The following DPY19L1 variants were observed in gnomAD, a reference collection of about 807,000 sequenced individuals.
DPY19L1 encodes protein C-mannosyl-transferase DPY19L1.
In DPY19L1, 35 loss-of-function variants were observed where a neutral mutation model predicts 96.9. That is an observed-to-expected ratio of 0.36 (90% CI 0.28 to 0.48). The LOEUF (loss-of-function observed/expected upper bound fraction) is 0.48, where lower values mean the gene tolerates loss of function less well. DPY19L1 is among the 20% of genes least tolerant of loss of function. DPY19L1 has a pLI of 0.99. For synonymous variants in DPY19L1, 205 were observed against 252.6 expected (o/e 0.81, Z 1.79); for missense variants, 521 against 777.9 (o/e 0.67, Z 3.93).
chr7:34,999,393 C>T (rs1785370474), intron 6 of DPY19L1, among the ~76,000 whole-genome samples: 1 of 152,204 alleles, frequency 6.6e-6, no homozygotes, highest in Admixed American at 6.5e-5. Flanking sequence ...AGGAAATGTT[C>T]AAACATGTCA....
chr7:35,015,408 G>A (rs1448971797), intron 3 of DPY19L1, among the ~76,000 whole-genome samples: 1 of 152,196 alleles, frequency 6.6e-6, no homozygotes, highest in Non-Finnish European at 1.5e-5. Flanking sequence ...ACAGGATGCG[G>A]TGAAGAAGCC....
At chr7:35,005,128 C>T (rs17793309) in intron 6 of DPY19L1, among the ~76,000 whole-genome samples, 29,824 of 151,980 alleles carry the variant, frequency 0.2, 3,307 homozygotes, top group Admixed American at 0.35. Flanking sequence ...TACCATATTT[C>T]TCTTATTTTA....
At chr7:35,003,016 C>A (rs1023905386) in intron 6 of DPY19L1, among the ~76,000 whole-genome samples, 5 of 152,140 alleles carry the variant, frequency 3.3e-5, no homozygotes, top group Non-Finnish European at 1.5e-5. Flanking sequence ...GTGATCCACC[C>A]ACCTCGGCCT....
chr7:34,994,686 C>A (rs1367976578), intron 6 of DPY19L1, among the ~76,000 whole-genome samples: 1 of 151,976 alleles, frequency 6.6e-6, no homozygotes. Context: ...CACCTGTGGT[C>A]CCAGCTACTC....
At position 34,966,941 on chromosome 7, in the gene DPY19L1, C is replaced by T. The variant is rs758994897; in HGVS notation, c.1045G>A (p.Gly349Arg). The T allele has an allele frequency of 3.3e-6, 5 of 1,534,068 alleles. No homozygotes were observed. The highest frequency in any genetic ancestry group is 1.4e-5 in the African/African-American group (1 of 70,488). ...CGTAATTTACATATATCAATGTACC[C>T]GACAACATATACTGCAAATAATGAT... ...IASLFAVYVV[G>R]YIDICKLRKI... is the part of the protein sequence containing the mutation. The change falls in exon 10 of 22, where the codon GGG becomes AGG. Residue 349 changes from glycine to arginine, a missense_variant. Physicochemically the swap from Gly to Arg is moderately radical, Grantham distance 125. Transcript: ENST00000638088.
intron 6 of DPY19L1, among the ~76,000 whole-genome samples, chr7:34,999,135 G>A (rs1239419928): frequency 6.6e-6 from 1 of 152,180 alleles, no homozygotes; most frequent in Non-Finnish European, 1.5e-5. Flanking sequence ...CAAAGTATGC[G>A]ATGAGAAGGA....
intron 6 of DPY19L1, among the ~76,000 whole-genome samples, chr7:35,002,992 G>A (rs764404425): frequency 3.3e-5 from 5 of 152,022 alleles, no homozygotes; most frequent in Admixed American, 1.3e-4. Flanking sequence ...AGATGGTCTC[G>A]ATCTCCTGAC....
intron 17 of DPY19L1, among the ~76,000 whole-genome samples, chr7:34,942,362 C>A (rs1438882248): frequency 1.3e-5 from 2 of 152,178 alleles, no homozygotes; most frequent in Non-Finnish European, 2.9e-5. Flanking sequence ...ATACATATGT[C>A]TAAATGGGCT....
intron 7 of DPY19L1, among the ~76,000 whole-genome samples, chr7:34,975,744 C>A (rs1258292352): frequency 6.6e-6 from 1 of 152,102 alleles, no homozygotes; most frequent in East Asian, 1.9e-4. Flanking sequence ...TATCTTGAAG[C>A]CAATATTCAT....
intron 1 of DPY19L1, among the ~76,000 whole-genome samples, chr7:35,034,995 A>C (rs191023697): frequency 2.2e-4 from 34 of 152,354 alleles, no homozygotes; most frequent in Non-Finnish European, 4.3e-4. Context: ...TCCTCTCTGC[A>C]GGATCTGAGT....
At chr7:35,012,841 A>G (rs1785745962) in intron 4 of DPY19L1, among the ~76,000 whole-genome samples, 1 of 152,118 alleles carries the variant, frequency 6.6e-6, no homozygotes, top group South Asian at 2.1e-4. Flanking sequence ...AACTTATAAA[A>G]TTTTAACAGA....
intron 8 of DPY19L1, among the ~76,000 whole-genome samples, chr7:34,969,795 A>G (rs1421732957): frequency 6.6e-6 from 1 of 152,214 alleles, no homozygotes; most frequent in Non-Finnish European, 1.5e-5. Context: ...TTTTCAAATT[A>G]TATTTTGGTG....
intron 6 of DPY19L1, among the ~76,000 whole-genome samples, chr7:34,996,748 G>A (rs1232127589): frequency 2.6e-5 from 4 of 152,126 alleles, no homozygotes; most frequent in Admixed American, 1.3e-4. Context: ...AAACATATCC[G>A]AAATGCCTCG....
chr7:34,944,091 G>A lies in DPY19L1; in HGVS notation c.1545-1452C>T, dbSNP rs891316856. On this transcript the variant is annotated intron_variant, in intron 16 of 21. Coordinates refer to ENST00000638088, the MANE Select transcript of DPY19L1 (RefSeq NM_001366673.1). ...TATAAAATAAAATATAGGGCCAGGC[G>A]CAGTGGCTCATGCCTATAATCCCAG... 1.9e-4 allele frequency among the ~76,000 whole-genome samples: 29 copies of A among 152,062 alleles called. 1 individual carries two copies. The highest frequency in any genetic ancestry group is 9.8e-4 in the Admixed American group (15 of 15,264).
intron 16 of DPY19L1, among the ~76,000 whole-genome samples, chr7:34,943,314 T>C (rs746992159): frequency 6.6e-6 from 1 of 152,212 alleles, no homozygotes; most frequent in Admixed American, 6.5e-5. Context: ...GTAAAAACTA[T>C]CAGTTACCAT....
chr7:34,967,586 C>A (rs1303813633), intron 9 of DPY19L1, among the ~76,000 whole-genome samples: 1 of 152,026 alleles, frequency 6.6e-6, no homozygotes, highest in Admixed American at 6.6e-5. Context: ...TCTAAGAGTA[C>A]TGGAATTATT....
intron 7 of DPY19L1, among the ~76,000 whole-genome samples, chr7:34,988,651 C>T (rs2128671844): frequency 6.6e-6 from 1 of 152,174 alleles, no homozygotes; most frequent in South Asian, 2.1e-4. Context: ...TGTGCATATT[C>T]AAATACAGCA....
chr7:34,967,487 C>G (rs1784635939), intron 9 of DPY19L1, among the ~76,000 whole-genome samples: 1 of 152,102 alleles, frequency 6.6e-6, no homozygotes, highest in South Asian at 2.1e-4. Flanking sequence ...TCAAATTTAT[C>G]AATTTCAAAT....
intron 10 of DPY19L1, among the ~76,000 whole-genome samples, chr7:34,963,337 A>G (rs1784542316): frequency 6.6e-6 from 1 of 152,200 alleles, no homozygotes; most frequent in Non-Finnish European, 1.5e-5. Context: ...CAGAAAATAA[A>G]TGTTGGTGAT....
Sources: gnomAD v4.1 joint callset for allele counts (sites outside exome capture counted in the v4.1 genomes callset) on GRCh38, gnomAD v4.1.1 for gene constraint, MANE v1.5 for transcripts, NCBI Gene and HGNC (gene_info 2026-07-23, HGNC 2026-07-21) for gene names.